FRY: variants seen among roughly 807,000 people sequenced by gnomAD.
The protein encoded by FRY is protein furry homolog.
FRY carries 128 observed loss-of-function variants against 348.4 expected under a neutral mutation model. The observed-to-expected ratio is 0.37, with a 90% CI of 0.32 to 0.43. FRY has a LOEUF of 0.43. Ranked by LOEUF, FRY falls within the 20% of genes least tolerant of loss-of-function variation. FRY has a pLI of 1.00. For missense variants in FRY, 2,736 were observed against 3,695.2 expected (o/e 0.74, Z 6.73); for synonymous variants, 1,370 against 1,374.7 (o/e 1.00, Z 0.08).
chr13:32,266,246 G>A (rs898852258), intron 54 of FRY, among the ~76,000 whole-genome samples: 6 of 152,198 alleles, frequency 3.9e-5, no homozygotes, highest in African/African-American at 1.4e-4. Flanking sequence ...GCTAGACAAA[G>A]GCCTTCTGTT....
chr13:32,084,787 G>A (rs1875747256), intron 2 of FRY, among the ~76,000 whole-genome samples: 1 of 152,020 alleles, frequency 6.6e-6, no homozygotes, highest in Non-Finnish European at 1.5e-5. Flanking sequence ...GGTGGGGTAG[G>A]GGCAGAGATT....
intron 11 of FRY, among the ~76,000 whole-genome samples, chr13:32,137,535 G>C (rs1001076413): frequency 6.6e-6 from 1 of 152,238 alleles, no homozygotes; most frequent in Non-Finnish European, 1.5e-5. Flanking sequence ...ATGGCAGTCA[G>C]TCCTAAGCAT....
chr13:32,179,096 GTT>G (rs1882542097), intron 22 of FRY, 63 bp downstream of exon 22: 3 of 1,311,170 alleles, frequency 2.3e-6, no homozygotes, highest in African/African-American at 1.4e-5. Context: ...TTTGTCTAGA[GTT>G]CACAGTGCAA....
chr13:32,109,882 G>A (rs1877843184), intron 3 of FRY, among the ~76,000 whole-genome samples: 1 of 152,194 alleles, frequency 6.6e-6, no homozygotes, highest in Non-Finnish European at 1.5e-5. Context: ...AAAGAGTTTA[G>A]TATCAGGAGG....
chr13:32,045,847 A>T (rs1872990651), intron 1 of FRY, among the ~76,000 whole-genome samples: 1 of 152,242 alleles, frequency 6.6e-6, no homozygotes, highest in South Asian at 2.1e-4. Flanking sequence ...GGCGAGATTC[A>T]AACAGGCTAG....
Position 32,135,074 on chromosome 13 carries a change from C to T in FRY, c.979-11C>T, listed in dbSNP as rs1879621800. ...TTATTAATATAATATTCACATGCAT[C>T]TCTATTTCAGGCTGTTAAAAATGAA... is the stretch of plus-strand genomic sequence containing the variant. On this transcript the variant is annotated splice_polypyrimidine_tract_variant and intron_variant, in intron 9 of 60. Coordinates refer to ENST00000542859, the MANE Select transcript of FRY (RefSeq NM_023037.3). 1 of 1,582,646 alleles carries T rather than the reference C, an allele frequency of 6.3e-7. No individual in the cohort carries two copies. The highest frequency in any genetic ancestry group is 1.1e-5 in the South Asian group (1 of 90,390).
At chr13:32,084,980 A>G (rs1469882310) in intron 2 of FRY, among the ~76,000 whole-genome samples, 1 of 152,174 alleles carries the variant, frequency 6.6e-6, no homozygotes, top group African/African-American at 2.4e-5. Context: ...TTTTGAATGA[A>G]TGAATGAAAC....
intron 18 of FRY, among the ~76,000 whole-genome samples, chr13:32,172,420 C>T (rs1490174832): frequency 1.3e-5 from 2 of 152,142 alleles, no homozygotes; most frequent in African/African-American, 4.8e-5. Context: ...TATTTTTAGC[C>T]AGAAACATAT....
rs1251181176 is a variant in FRY at position 32,262,407 on chromosome 13, A to G, written c.7711A>G (p.Thr2571Ala). The G allele has an allele frequency of 4.3e-6, 7 of 1,613,458 alleles. No individual in the cohort carries two copies. The African/African-American group carries it at 8.0e-5, about 18-fold the overall frequency. ...CCCTGCAGAACCTCATTCCTTTAACACCAGAATGTCCAGCTTTGATGCTTC... is the reference window on the plus strand; with the variant it reads ...CCCTGCAGAACCTCATTCCTTTAACGCCAGAATGTCCAGCTTTGATGCTTC... Reference protein sequence around the residue: ...STPAEPHSFNTRMSSFDASLP... With the variant: ...STPAEPHSFNARMSSFDASLP... Residue 2571 changes from threonine to alanine, a missense_variant, in exon 53 of 61, where the codon ACC (threonine) becomes GCC (alanine). By Grantham distance (58) the Thr-to-Ala change is moderately conservative (BLOSUM62 0). Coordinates refer to ENST00000542859, the MANE Select transcript of FRY (RefSeq NM_023037.3).
At chr13:32,155,811 G>A (rs1260971035) in intron 15 of FRY, 149 bp downstream of exon 15, 4 of 614,382 alleles carry the variant, frequency 6.5e-6, no homozygotes, top group East Asian at 2.8e-5. Context: ...ATTGATTCAT[G>A]CTGTGTTTTG....
chr13:32,102,030 A>T lies in FRY; in HGVS notation c.324+14A>T. 7.0e-7 allele frequency: 1 copy of T among 1,435,120 alleles called. No individual in the cohort carries two copies. The highest frequency in any genetic ancestry group is 9.8e-7 in the Non-Finnish European group (1 of 1,016,418). 88.9% of individuals were successfully genotyped at this position (1,435,120 alleles called of 1,614,324 possible). On this transcript the variant is annotated intron_variant, in intron 3 of 60. Coordinates refer to ENST00000542859, the MANE Select transcript of FRY (RefSeq NM_023037.3). ...CAATTTGATCAGGTATGTGATATAT[A>T]TGTTATATACTAGTTTTCCTTTATT... is the stretch of plus-strand genomic sequence containing the variant.
At chr13:32,084,185 C>T (rs192726337) in intron 2 of FRY, among the ~76,000 whole-genome samples, 112 of 152,128 alleles carry the variant, frequency 7.4e-4, no homozygotes, top group African/African-American at 2.3e-3. Context: ...GCCTTTGCTC[C>T]CTGAAGCTCA....
chr13:32,120,483 C>T (rs771868831), intron 4 of FRY, among the ~76,000 whole-genome samples: 7 of 152,002 alleles, frequency 4.6e-5, no homozygotes, highest in Admixed American at 6.6e-5. Flanking sequence ...TTTATTTTTC[C>T]GTACGTTATT....
At chr13:32,202,650 T>C in intron 31 of FRY, 123 bp downstream of exon 31, 2 of 946,066 alleles carry the variant, frequency 2.1e-6, no homozygotes, top group Non-Finnish European at 3.3e-6. Flanking sequence ...TAAATTCTAG[T>C]TTAATTTTAG....
At chr13:32,032,465 A>AT (rs1432698389) in intron 1 of FRY, among the ~76,000 whole-genome samples, 1 of 152,184 alleles carries the variant, frequency 6.6e-6, no homozygotes, top group Non-Finnish European at 1.5e-5. Context: ...TAATATTTGA[A>AT]TTTTTAAAAA....
chr13:32,291,595 G>A (rs1178386921), intron 59 of FRY, among the ~76,000 whole-genome samples: 2 of 151,920 alleles, frequency 1.3e-5, no homozygotes, highest in East Asian at 3.9e-4. Context: ...AGTAGAGATG[G>A]GGTTTTGCCA....
chr13:32,249,718 GGGA>G (rs1886981606), intron 49 of FRY, 31 bp downstream of exon 49: 57 of 1,593,358 alleles, frequency 3.6e-5, no homozygotes, highest in Non-Finnish European at 4.9e-5. Flanking sequence ...AGTCCTGGGA[GGGA>G]GTTTAGGGAC....
intron 47 of FRY, among the ~76,000 whole-genome samples, chr13:32,245,078 T>G (rs1030394276): frequency 3.2e-4 from 49 of 152,086 alleles, no homozygotes; most frequent in African/African-American, 1.1e-3. Context: ...ACCTCCCAAG[T>G]AGCTGGGACT....
At position 32,168,373 on chromosome 13, in the gene FRY, G is replaced by T. The variant is rs74544565; in HGVS notation, c.1893-2639G>T. 2.1e-3 allele frequency among the ~76,000 whole-genome samples: 320 copies of T among 152,342 alleles called. 1 individual carries two copies. The highest frequency in any genetic ancestry group is 7.2e-3 in the African/African-American group (300 of 41,590). On this transcript the variant is annotated intron_variant, in intron 17 of 60. Transcript: ENST00000542859. Reference sequence around the variant, plus strand: ...CCACCCACATGAGGGAGGGAAAACTGCTTTCCTCAAAGTCCACTGATTTAA... The same window carrying T: ...CCACCCACATGAGGGAGGGAAAACTTCTTTCCTCAAAGTCCACTGATTTAA...
Sources: allele counts gnomAD v4.1 joint callset (sites outside exome capture counted in the v4.1 genomes callset), GRCh38; gene constraint gnomAD v4.1.1; transcripts MANE v1.5; gene names NCBI Gene and HGNC (gene_info 2026-07-23, HGNC 2026-07-21).